DST: variants seen among roughly 807,000 people sequenced by gnomAD.
The protein encoded by DST is bullous pemphigoid antigen.
A neutral mutation model predicts 875.2 loss-of-function variants in DST; 253 were observed. The ratio of observed to expected loss-of-function variants is 0.29; its 90% CI spans 0.26 to 0.32. The LOEUF (loss-of-function observed/expected upper bound fraction) is 0.32, where lower values mean the gene tolerates loss of function less well. Ranked by LOEUF, DST falls within the 10% of genes least tolerant of loss-of-function variation. The pLI is 1.00. For missense variants in DST, 8,287 were observed against 9,111.6 expected (o/e 0.91, Z 3.68); for synonymous variants, 3,124 against 3,197.1 (o/e 0.98, Z 0.77).
intron 69 of DST, among the ~76,000 whole-genome samples, chr6:56,525,068 C>T (rs147912518): frequency 2.2e-4 from 34 of 152,158 alleles, no homozygotes; most frequent in African/African-American, 7.7e-4. Context: ...TACTAACCAA[C>T]GAAAACTCAA....
intron 9 of DST, chr6:56,692,667 A>C: frequency 3.1e-6 from 4 of 1,289,798 alleles, no homozygotes; most frequent in Non-Finnish European, 4.0e-6. Context: ...TGTTGACATC[A>C]TCTAAATGTT....
chr6:56,890,488 T>A (rs1175502551), intron 3 of DST, among the ~76,000 whole-genome samples: 1 of 152,218 alleles, frequency 6.6e-6, no homozygotes, highest in Non-Finnish European at 1.5e-5. Context: ...TAATATACAG[T>A]ATAAATCCAA....
chr6:56,848,315 A>G (rs796704277), intron 4 of DST, among the ~76,000 whole-genome samples: 6 of 152,292 alleles, frequency 3.9e-5, no homozygotes, highest in African/African-American at 1.4e-4. Context: ...AATCAATTCT[A>G]TTTTTAGGAC....
chr6:56,620,654 T>C, intron 36 of DST: 1 of 1,614,176 alleles, frequency 6.2e-7, no homozygotes, highest in Non-Finnish European at 8.5e-7. Flanking sequence ...CACTGTTGCC[T>C]TCTGACGCTG....
At chr6:56,944,921 C>A (rs1818666944) in intron 2 of DST, among the ~76,000 whole-genome samples, 1 of 152,182 alleles carries the variant, frequency 6.6e-6, no homozygotes, top group African/African-American at 2.4e-5. Context: ...TGATAAATAA[C>A]CATGGCTGGC....
At chr6:56,523,085 C>T (rs1021755459) in intron 69 of DST, among the ~76,000 whole-genome samples, 3 of 152,072 alleles carry the variant, frequency 2.0e-5, no homozygotes, top group African/African-American at 7.2e-5. Flanking sequence ...ACTAAGCTGC[C>T]TTGTCCCATT....
intron 53 of DST, among the ~76,000 whole-genome samples, chr6:56,571,578 C>T (rs533786732): frequency 6.6e-5 from 10 of 152,330 alleles, no homozygotes; most frequent in African/African-American, 2.2e-4. Flanking sequence ...AGGCCCTGTA[C>T]AGCTTTTTAG....
intron 4 of DST, among the ~76,000 whole-genome samples, chr6:56,747,147 G>T (rs2099575000): frequency 6.6e-6 from 1 of 152,166 alleles, no homozygotes; most frequent in Non-Finnish European, 1.5e-5. Context: ...AAGTTTAATT[G>T]CCACAGAACA....
chr6:56,616,134 G>A lies in DST; in HGVS notation c.4930-1650C>T, dbSNP rs2152729151. The A allele has an allele frequency of 6.2e-7, 1 of 1,614,166 alleles. No homozygotes were observed. Among genetic ancestry groups the A allele is most frequent in the Non-Finnish European group, 8.5e-7 (1 of 1,180,022 alleles). On this transcript the variant is annotated intron_variant, in intron 36 of 103. Coordinates refer to ENST00000680361, the MANE Select transcript of DST (RefSeq NM_001374736.1). The stretch of plus-strand genomic sequence containing the variant: ...AGCCAATACCCTGCAACAGGACTGT[G>A]CAAATCTTTCTTGGGGACTAACCGG...
chr6:56,853,060 G>C (rs1249060195), intron 3 of DST, among the ~76,000 whole-genome samples: 1 of 152,040 alleles, frequency 6.6e-6, no homozygotes, highest in African/African-American at 2.4e-5. Context: ...GCACATAGTA[G>C]GTGTAAACCC....
At chr6:56,499,333 G>A (rs2096037873) in intron 80 of DST, among the ~76,000 whole-genome samples, 1 of 152,190 alleles carries the variant, frequency 6.6e-6, no homozygotes, top group South Asian at 2.1e-4. Context: ...TCTGGTTAGG[G>A]AGTGTTTTTA....
Position 56,909,991 on chromosome 6 carries a change from T to C in DST, c.217-9370A>G, listed in dbSNP as rs544172277. 7.9e-5 allele frequency among the ~76,000 whole-genome samples: 12 copies of C among 152,318 alleles called. No homozygotes were observed. The South Asian group carries it at 2.5e-3, about 32-fold the overall frequency. On this transcript the variant is annotated intron_variant, in intron 2 of 103. Coordinates refer to ENST00000680361, the MANE Select transcript of DST (RefSeq NM_001374736.1). ...AAAATAATGTATCTAGAAGATACCG[T>C]TCTGTTTTCAGAGAGAATGTATTCC...
At chr6:56,836,352 T>G (rs1179087325) in intron 4 of DST, among the ~76,000 whole-genome samples, 1 of 152,198 alleles carries the variant, frequency 6.6e-6, no homozygotes, top group Non-Finnish European at 1.5e-5. Context: ...ATATATGTAT[T>G]TCATATGCAA....
chr6:56,459,611 T>G (rs2094218440), intron 103 of DST, among the ~76,000 whole-genome samples: 1 of 152,214 alleles, frequency 6.6e-6, no homozygotes, highest in Non-Finnish European at 1.5e-5. Flanking sequence ...ATGCGTGTGA[T>G]GCAAACATAG....
At chr6:56,467,524 A>G (rs919144933) in intron 98 of DST, 9 of 152,194 alleles carry the variant, frequency 5.9e-5, no homozygotes, top group Non-Finnish European at 1.0e-4. Flanking sequence ...ATTTAAAAAT[A>G]AAAGTGTAAA....
chr6:56,776,647 A>AT (rs1039509979), intron 4 of DST, among the ~76,000 whole-genome samples: 2 of 152,074 alleles, frequency 1.3e-5, no homozygotes, highest in Non-Finnish European at 2.9e-5. Flanking sequence ...GTTTATTAAA[A>AT]TTTTTTTTAA....
At chr6:56,491,732 C>T (rs1397318691) in intron 85 of DST, among the ~76,000 whole-genome samples, 1 of 152,058 alleles carries the variant, frequency 6.6e-6, no homozygotes, top group Non-Finnish European at 1.5e-5. Context: ...GTGGGGAGTG[C>T]CGACCAACTC....
At chr6:56,782,917 T>C (rs927099706) in intron 4 of DST, among the ~76,000 whole-genome samples, 9 of 152,260 alleles carry the variant, frequency 5.9e-5, no homozygotes, top group Non-Finnish European at 1.3e-4. Context: ...GATTCTGGTA[T>C]GTTGTGACTT....
intron 4 of DST, among the ~76,000 whole-genome samples, chr6:56,806,935 T>C (rs759201917): frequency 6.6e-6 from 1 of 152,192 alleles, no homozygotes; most frequent in Non-Finnish European, 1.5e-5. Context: ...TGAGTCTATA[T>C]AATATACCTA....
Sources: allele counts gnomAD v4.1 joint callset (sites outside exome capture counted in the v4.1 genomes callset), GRCh38; gene constraint gnomAD v4.1.1; transcripts MANE v1.5; gene names NCBI Gene and HGNC (gene_info 2026-07-23, HGNC 2026-07-21).